Variants in ARMC3 observed in about 807,000 individuals in gnomAD.
ARMC3 encodes the protein armadillo repeat-containing protein 3.
Under a neutral mutation model 90.3 loss-of-function variants are expected in ARMC3, and 74 were observed. That is an observed-to-expected ratio of 0.82 (90% CI 0.68 to 0.99). The LOEUF (loss-of-function observed/expected upper bound fraction) is 0.99, where lower values mean the gene tolerates loss of function less well. Ranked by LOEUF, ARMC3 falls within the 50% of genes least tolerant of loss-of-function variation. ARMC3 has a pLI of 0.00. For missense variants in ARMC3, 958 were observed against 1,042.8 expected, an observed-to-expected ratio of 0.92 and a Z score of 1.12; for synonymous variants, 334 against 361.8, an observed-to-expected ratio of 0.92 and a Z score of 0.87.
chr10:22,954,654 AG>A (rs1391580899), intron 3 of ARMC3, among the ~76,000 whole-genome samples: 1 of 151,172 alleles, frequency 6.6e-6, no homozygotes, highest in Non-Finnish European at 1.5e-5. Context: ...CCTGAGTGAC[AG>A]AGCAAGACCC....
chr10:22,986,673 A>T (rs1333013904), intron 10 of ARMC3, among the ~76,000 whole-genome samples: 1 of 152,178 alleles, frequency 6.6e-6, no homozygotes, highest in Non-Finnish European at 1.5e-5. Flanking sequence ...CTGTTGTCAA[A>T]CAATCAATAA....
chr10:22,966,008 T>A (rs1835423188), intron 7 of ARMC3, among the ~76,000 whole-genome samples: 1 of 152,228 alleles, frequency 6.6e-6, no homozygotes, highest in Non-Finnish European at 1.5e-5. Context: ...TCCTGTTTCT[T>A]CTTTGCATGG....
chr10:23,014,987 A>C (rs1478395774), intron 16 of ARMC3, among the ~76,000 whole-genome samples: 1 of 152,092 alleles, frequency 6.6e-6, no homozygotes, highest in African/African-American at 2.4e-5. Context: ...AAAAAAATTT[A>C]AAAGAAGATC....
intron 7 of ARMC3, among the ~76,000 whole-genome samples, chr10:22,967,731 G>C (rs1588857030): frequency 6.6e-6 from 1 of 152,168 alleles, no homozygotes; most frequent in Non-Finnish European, 1.5e-5. Flanking sequence ...ATGAACATTG[G>C]CCACAATGTA....
rs141443658 is a variant in ARMC3, at chr10:23,023,482, CA to C, written c.2046-7112del. 9.0e-3 allele frequency among the ~76,000 whole-genome samples: 1,372 copies of C among 152,142 alleles called. 24 individuals are homozygous for C. Among genetic ancestry groups the C allele is most frequent in the African/African-American group, 0.031 (1,304 of 41,504 alleles). ...TCAGGAACCAAGAAAATCACAATAC[CA>C]ATGAGAAATGACAATCAATTAATGC... On this transcript the variant is annotated intron_variant, in intron 16 of 18. Transcript: ENST00000298032.
intron 10 of ARMC3, among the ~76,000 whole-genome samples, chr10:22,994,122 T>TA (rs1477782898): frequency 2.3e-4 from 35 of 152,386 alleles, no homozygotes; most frequent in South Asian, 4.1e-4. Flanking sequence ...GAGCTCATGT[T>TA]AAAAAGAAAT....
At chr10:22,997,408 A>G (rs1028949087) in intron 10 of ARMC3, 1 of 152,168 alleles carries the variant, frequency 6.6e-6, no homozygotes, top group Non-Finnish European at 1.5e-5. Flanking sequence ...CTAATTGTGA[A>G]AAAATGTTAG....
intron 4 of ARMC3, among the ~76,000 whole-genome samples, chr10:22,957,230 G>A (rs560125810): frequency 6.6e-6 from 1 of 152,316 alleles, no homozygotes; most frequent in African/African-American, 2.4e-5. Context: ...TGACAGTGAG[G>A]CCTCCTTATT....
In ARMC3 at chr10:22,981,624, A is replaced by G; in HGVS notation, c.1099A>G (p.Ser367Gly). The change falls in exon 10 of 19, where the codon AGT becomes GGT. Residue 367 changes from serine (S) to glycine (G), a missense_variant. Ser to Gly is a moderately conservative substitution (Grantham distance 56). Transcript: ENST00000298032. ...GIPQLIQLLK[S>G]DNEEVREAAA... ...TCCACAGTTAATTCAGTTGCTAAAA[A>G]GTGACAATGAAGAGGTACGGGAAGC... 1 of 1,614,160 alleles carries G rather than the reference A, an allele frequency of 6.2e-7. No homozygotes were observed. Among genetic ancestry groups the G allele is most frequent in the Non-Finnish European group, 8.5e-7 (1 of 1,180,010 alleles).
chr10:23,018,482 A>G (rs186520255), intron 16 of ARMC3, among the ~76,000 whole-genome samples: 1 of 150,490 alleles, frequency 6.6e-6, no homozygotes, highest in Non-Finnish European at 1.5e-5. Context: ...GGCATCTATA[A>G]TGGTATCATT....
At chr10:23,023,913 G>A (rs1005953456) in intron 16 of ARMC3, among the ~76,000 whole-genome samples, 1 of 152,174 alleles carries the variant, frequency 6.6e-6, no homozygotes, top group Non-Finnish European at 1.5e-5. Context: ...GGAGAGGAGA[G>A]AGGGTAGGGC....
chr10:22,967,116 C>G lies in ARMC3; in HGVS notation c.733-1190C>G, dbSNP rs552822595. Among the ~76,000 whole-genome samples, 183 of 152,076 alleles carry G rather than the reference C, an allele frequency of 1.2e-3. 1 individual carries two copies. The highest frequency in any genetic ancestry group is 1.3e-3 in the Non-Finnish European group (88 of 68,012). On this transcript the variant is annotated intron_variant, in intron 7 of 18. Transcript: ENST00000298032. ...CCCAGAGAAGTGTTGTAATTCGAGT[C>G]CAGGGGTGCTGTACTGGCAGGATTC...
intron 2 of ARMC3, among the ~76,000 whole-genome samples, chr10:22,943,457 AT>A (rs892260915): frequency 4.0e-5 from 6 of 151,882 alleles, no homozygotes; most frequent in African/African-American, 1.2e-4. Flanking sequence ...TTTAACCTGC[AT>A]TTTTTTCTAT....
chr10:22,968,595 G>A (rs1158594136), intron 8 of ARMC3, 106 bp downstream of exon 8: 1 of 999,888 alleles, frequency 1.0e-6, no homozygotes, highest in Non-Finnish European at 1.4e-6. Flanking sequence ...AACCTCCCCA[G>A]GTTACAAGTG....
At chr10:22,991,387 A>T (rs1836702312) in intron 10 of ARMC3, among the ~76,000 whole-genome samples, 1 of 151,904 alleles carries the variant, frequency 6.6e-6, no homozygotes, top group Non-Finnish European at 1.5e-5. Flanking sequence ...TACAGCTGTT[A>T]TCATTTCACC....
chr10:22,941,206 A>T (rs1386590729), intron 2 of ARMC3, among the ~76,000 whole-genome samples: 3 of 152,186 alleles, frequency 2.0e-5, no homozygotes, highest in African/African-American at 7.2e-5. Context: ...GAGGGGAATC[A>T]ACTGCAATGA....
intron 16 of ARMC3, among the ~76,000 whole-genome samples, chr10:23,029,862 G>GTT (rs201538457): frequency 2.6e-5 from 4 of 151,570 alleles, no homozygotes; most frequent in African/African-American, 9.7e-5. Flanking sequence ...CATTTTGTAG[G>GTT]TTTTTTTTGC....
chr10:22,942,581 TAATACC>T (rs878904277), intron 2 of ARMC3, among the ~76,000 whole-genome samples: 5 of 152,180 alleles, frequency 3.3e-5, no homozygotes, highest in Admixed American at 3.3e-4. Flanking sequence ...AAAAGACTGA[TAATACC>T]AAGTGTTGGT....
At chr10:23,024,305 A>G (rs1330364752) in intron 16 of ARMC3, among the ~76,000 whole-genome samples, 3 of 152,174 alleles carry the variant, frequency 2.0e-5, no homozygotes, top group African/African-American at 7.2e-5. Context: ...TAGCAGGCCT[A>G]TCCTAACAGA....
Sources: gnomAD v4.1 joint callset for allele counts (sites outside exome capture counted in the v4.1 genomes callset) on GRCh38, gnomAD v4.1.1 for gene constraint, MANE v1.5 for transcripts, NCBI Gene and HGNC (gene_info 2026-07-23, HGNC 2026-07-21) for gene names.